The following SORCS3 variants were observed in gnomAD, a reference collection of about 807,000 sequenced individuals.
SORCS3 encodes sortilin related VPS10 domain containing receptor 3.
In SORCS3, 57 loss-of-function variants were observed where a neutral mutation model predicts 146.3. The ratio of observed to expected loss-of-function variants is 0.39; its 90% CI spans 0.31 to 0.49. The LOEUF is 0.49. Among genes scored for constraint, SORCS3 ranks in the 20% least tolerant of loss-of-function variants. The pLI, the probability that SORCS3 is intolerant of heterozygous loss-of-function variation, is 0.92. For missense variants in SORCS3, 1,341 were observed against 1,575.5 expected, an observed-to-expected ratio of 0.85 and a Z score of 2.52; for synonymous variants, 653 against 618.5, an observed-to-expected ratio of 1.06 and a Z score of -0.83.
At chr10:104,672,482 T>C (rs189161168) in intron 1 of SORCS3, among the ~76,000 whole-genome samples, 11 of 152,128 alleles carry the variant, frequency 7.2e-5, no homozygotes, top group African/African-American at 2.7e-4. Context: ...CTGACCTTTA[T>C]TTTTCCTGTC....
intron 7 of SORCS3, among the ~76,000 whole-genome samples, chr10:105,118,161 T>C (rs1026547251): frequency 6.6e-6 from 1 of 152,100 alleles, no homozygotes; most frequent in Admixed American, 6.5e-5. Context: ...AGGGACCCAG[T>C]GGGAGGTAAT....
At chr10:104,739,808 T>C (rs962545904) in intron 1 of SORCS3, among the ~76,000 whole-genome samples, 9 of 152,238 alleles carry the variant, frequency 5.9e-5, no homozygotes, top group Non-Finnish European at 7.3e-5. Context: ...AGTCATTTGA[T>C]TGGATTTCCA....
At chr10:104,985,331 C>T (rs575188860) in intron 4 of SORCS3, among the ~76,000 whole-genome samples, 2 of 152,240 alleles carry the variant, frequency 1.3e-5, no homozygotes, top group South Asian at 2.1e-4. Context: ...CTTATCTGTT[C>T]AAGTTTTATC....
At chr10:104,682,351 A>T (rs2015988500) in intron 1 of SORCS3, among the ~76,000 whole-genome samples, 1 of 152,206 alleles carries the variant, frequency 6.6e-6, no homozygotes, top group Non-Finnish European at 1.5e-5. Context: ...TCTTGCACGT[A>T]TCACCTTTGT....
intron 3 of SORCS3, among the ~76,000 whole-genome samples, chr10:104,975,658 C>G (rs1465676407): frequency 6.6e-6 from 1 of 152,222 alleles, no homozygotes; most frequent in Non-Finnish European, 1.5e-5. Context: ...TGACTTCAAA[C>G]TATACTACAA....
At chr10:105,126,690 C>T (rs1286295990) in intron 7 of SORCS3, among the ~76,000 whole-genome samples, 1 of 152,110 alleles carries the variant, frequency 6.6e-6, no homozygotes, top group Non-Finnish European at 1.5e-5. Flanking sequence ...CAGTTCAGCC[C>T]TCTGCTAGCT....
chr10:104,783,523 C>T (rs1589497542), intron 1 of SORCS3, among the ~76,000 whole-genome samples: 1 of 152,060 alleles, frequency 6.6e-6, no homozygotes, highest in Non-Finnish European at 1.5e-5. Flanking sequence ...CACCTGAGGT[C>T]AGTAGTTCAG....
At chr10:104,902,015 T>C (rs770178737) in intron 2 of SORCS3, among the ~76,000 whole-genome samples, 9 of 152,156 alleles carry the variant, frequency 5.9e-5, no homozygotes, top group Non-Finnish European at 1.2e-4. Flanking sequence ...GCATAGAATG[T>C]TGGGGATGGC....
At chr10:105,185,272 C>T (rs2056467932) in intron 14 of SORCS3, among the ~76,000 whole-genome samples, 1 of 152,180 alleles carries the variant, frequency 6.6e-6, no homozygotes, top group African/African-American at 2.4e-5. Flanking sequence ...TCATGGGGCT[C>T]ACAGTGACTC....
chr10:105,156,094 T>TA (rs1658000041), intron 9 of SORCS3, among the ~76,000 whole-genome samples: 1 of 152,236 alleles, frequency 6.6e-6, no homozygotes, highest in South Asian at 2.1e-4. Flanking sequence ...TTAACCATGA[T>TA]ACTGGAAGAA....
chr10:105,143,671 C>G (rs746892942), intron 8 of SORCS3, among the ~76,000 whole-genome samples: 2 of 152,122 alleles, frequency 1.3e-5, no homozygotes, highest in African/African-American at 2.4e-5. Flanking sequence ...TTGGGATCTT[C>G]TAATGAAAGA....
intron 3 of SORCS3, among the ~76,000 whole-genome samples, chr10:104,926,871 A>G (rs2019152875): frequency 6.6e-6 from 1 of 152,212 alleles, no homozygotes; most frequent in African/African-American, 2.4e-5. Flanking sequence ...TTTGCATTTT[A>G]TTTGAAAATG....
intron 4 of SORCS3, among the ~76,000 whole-genome samples, chr10:105,002,730 C>T (rs745407996): frequency 4.6e-5 from 7 of 152,158 alleles, no homozygotes; most frequent in Admixed American, 1.3e-4. Context: ...TCAGTGAGAG[C>T]GAGTGTTGGC....
chr10:105,059,788 C>T (rs570270182), intron 5 of SORCS3, among the ~76,000 whole-genome samples: 1 of 152,194 alleles, frequency 6.6e-6, no homozygotes, highest in Non-Finnish European at 1.5e-5. Flanking sequence ...GCCCCTCACC[C>T]CAGGCCCCAT....
intron 19 of SORCS3, 135 bp downstream of exon 19, chr10:105,217,257 A>G (rs1283407415): frequency 6.4e-6 from 5 of 776,488 alleles, no homozygotes; most frequent in Admixed American, 4.8e-5. Flanking sequence ...TGGTGGAGAT[A>G]TGTACTCATC....
At chr10:105,179,793 G>T (rs1041971533) in intron 14 of SORCS3, among the ~76,000 whole-genome samples, 6 of 152,340 alleles carry the variant, frequency 3.9e-5, no homozygotes, top group Non-Finnish European at 7.3e-5. Context: ...CAATGGCAAA[G>T]ATTGAAATAG....
chr10:104,929,144 C>T (rs1360551624), intron 3 of SORCS3, among the ~76,000 whole-genome samples: 4 of 152,196 alleles, frequency 2.6e-5, no homozygotes, highest in African/African-American at 9.6e-5. Flanking sequence ...TGACCTTGAA[C>T]ATATTACTTG....
At chr10:104,681,050 C>T (rs140208289) in intron 1 of SORCS3, among the ~76,000 whole-genome samples, 103 of 152,352 alleles carry the variant, frequency 6.8e-4, no homozygotes, top group African/African-American at 1.8e-3. Context: ...CCCCTCTCTC[C>T]CGGGAAGAGG....
At chr10:104,913,928 C>G (rs2133598785) in intron 2 of SORCS3, among the ~76,000 whole-genome samples, 1 of 152,054 alleles carries the variant, frequency 6.6e-6, no homozygotes, top group Non-Finnish European at 1.5e-5. Flanking sequence ...GCCACCATGC[C>G]CAGCTAATTT....
Sources: allele counts gnomAD v4.1 joint callset (sites outside exome capture counted in the v4.1 genomes callset), GRCh38; gene constraint gnomAD v4.1.1; transcripts MANE v1.5; gene names NCBI Gene and HGNC (gene_info 2026-07-23, HGNC 2026-07-21).